EVI5: variants seen among roughly 807,000 people sequenced by gnomAD.
EVI5 encodes ecotropic viral integration site 5 protein homolog.
EVI5 carries 73 observed loss-of-function variants against 112.0 expected under a neutral mutation model. That is an observed-to-expected ratio of 0.65 (90% CI 0.54 to 0.79). The LOEUF (loss-of-function observed/expected upper bound fraction) is 0.79. Among genes scored for constraint, EVI5 ranks in the 30% least tolerant of loss-of-function variants. The pLI is 0.00. For missense variants in EVI5, 900 were observed against 968.8 expected (o/e 0.93, Z 0.94); for synonymous variants, 305 against 319.9 (o/e 0.95, Z 0.50).
chr1:92,621,965 A>T (rs192491455), intron 16 of EVI5, among the ~76,000 whole-genome samples: 2 of 152,008 alleles, frequency 1.3e-5, no homozygotes, highest in African/African-American at 4.8e-5. Context: ...TACCAAAAAT[A>T]CAAAAATTAG....
Position 92,702,145 on chromosome 1 carries a change from A to AT in EVI5, c.634dup (p.Met212AsnfsTer14), listed in dbSNP as rs1671254869. ...TTAATACTTATATTAACTTACCTGC[A>AT]TAAGCAACAATCCAACTATAAAAGC... On this transcript the variant is annotated frameshift_variant, in exon 5 of 20. Transcript: ENST00000684568. LOFTEE classifies it high-confidence loss of function. 3 of 1,467,734 alleles carry AT rather than the reference A, an allele frequency of 2.0e-6. No homozygotes were observed. Among genetic ancestry groups the AT allele is most frequent in the African/African-American group, 1.5e-5 (1 of 67,624 alleles). 90.9% of individuals were successfully genotyped at this position (1,467,734 alleles called of 1,614,324 possible).
At chr1:92,758,571 C>A (rs867265646) in intron 1 of EVI5, among the ~76,000 whole-genome samples, 5,808 of 128,122 alleles carry the variant, frequency 0.045, no homozygotes, top group Non-Finnish European at 0.05. Context: ...CCCTGTCTCA[C>A]AAAAAAAAAA....
At chr1:92,713,206 G>A (rs1233344817) in intron 2 of EVI5, among the ~76,000 whole-genome samples, 1 of 151,482 alleles carries the variant, frequency 6.6e-6, no homozygotes, top group East Asian at 1.9e-4. Flanking sequence ...TTAAAATCTA[G>A]TACATATTTT....
intron 10 of EVI5, among the ~76,000 whole-genome samples, chr1:92,671,235 C>A (rs941213185): frequency 6.6e-6 from 1 of 152,110 alleles, no homozygotes; most frequent in Admixed American, 6.5e-5. Context: ...ATGCAATGGT[C>A]ATTTCTCCAT....
Position 92,606,318 on chromosome 1 carries a change from T to C in EVI5, c.1975-916A>G, listed in dbSNP as rs185821573. Reference sequence around the variant, plus strand: ...AGGTACTAAGGCATTTGAGGAGCAATATTTAATCTAGTAACACCATTATCA... The same window carrying C: ...AGGTACTAAGGCATTTGAGGAGCAACATTTAATCTAGTAACACCATTATCA... On this transcript the variant is annotated intron_variant, in intron 17 of 19. Coordinates refer to ENST00000684568, the MANE Select transcript of EVI5 (RefSeq NM_001350197.2). Among the ~76,000 whole-genome samples, 11 of 152,316 alleles carry C rather than the reference T, an allele frequency of 7.2e-5. No individual in the cohort carries two copies. In the East Asian group the frequency reaches 1.7e-3, roughly 24 times the overall value.
chr1:92,643,486 G>A (rs1022324856), intron 13 of EVI5, among the ~76,000 whole-genome samples: 7 of 151,596 alleles, frequency 4.6e-5, no homozygotes, highest in East Asian at 1.9e-4. Flanking sequence ...CTGCTGTGTC[G>A]CTGGTCTTGA....
chr1:92,721,579 C>T (rs1466682088), intron 2 of EVI5, among the ~76,000 whole-genome samples: 4 of 152,028 alleles, frequency 2.6e-5, no homozygotes, highest in Admixed American at 1.3e-4. Context: ...CTAATGTAAA[C>T]GATGAGTTAA....
At chr1:92,776,151 C>G (rs1034750833) in intron 1 of EVI5, among the ~76,000 whole-genome samples, 1 of 151,506 alleles carries the variant, frequency 6.6e-6, no homozygotes, top group African/African-American at 2.4e-5. Context: ...ATATGTAGAG[C>G]TCGCAGGTTT....
intron 2 of EVI5, among the ~76,000 whole-genome samples, chr1:92,735,728 A>G (rs994361239): frequency 4.2e-5 from 6 of 142,960 alleles, no homozygotes; most frequent in African/African-American, 1.5e-4. Flanking sequence ...TATATATAAT[A>G]TAATATAATA....
At chr1:92,678,832 T>G (rs1558053618) in intron 9 of EVI5, among the ~76,000 whole-genome samples, 1 of 152,224 alleles carries the variant, frequency 6.6e-6, no homozygotes, top group South Asian at 2.1e-4. Flanking sequence ...ATCTATTACT[T>G]ATCTCATTTA....
chr1:92,772,012 G>A (rs1477578648), intron 1 of EVI5, among the ~76,000 whole-genome samples: 1 of 151,622 alleles, frequency 6.6e-6, no homozygotes, highest in East Asian at 2.0e-4. Flanking sequence ...ACACCACCAC[G>A]CCCAGCTAAT....
chr1:92,765,057 T>C (rs1682404451), intron 1 of EVI5, among the ~76,000 whole-genome samples: 2 of 152,150 alleles, frequency 1.3e-5, no homozygotes, highest in South Asian at 4.1e-4. Flanking sequence ...GCGGACAATA[T>C]AATCCTCCAT....
intron 13 of EVI5, among the ~76,000 whole-genome samples, chr1:92,655,189 A>G (rs1447277374): frequency 1.1e-4 from 17 of 151,872 alleles, no homozygotes; most frequent in Admixed American, 9.8e-4. Flanking sequence ...GACTAATGAC[A>G]ACATGAAGGA....
At chr1:92,747,616 A>C (rs1250131439) in intron 1 of EVI5, among the ~76,000 whole-genome samples, 1 of 151,218 alleles carries the variant, frequency 6.6e-6, no homozygotes, top group East Asian at 2.0e-4. Flanking sequence ...TGAGAGGCTG[A>C]GACAGGAGAA....
At chr1:92,617,137 C>T (rs56044027) in intron 16 of EVI5, among the ~76,000 whole-genome samples, 29,935 of 152,178 alleles carry the variant, frequency 0.2, 3,502 homozygotes, top group Middle Eastern at 0.26. Flanking sequence ...TGAAAGTGGA[C>T]AGCCACAGCA....
intron 16 of EVI5, among the ~76,000 whole-genome samples, chr1:92,614,837 ATT>A (rs1213899147): frequency 1.8e-4 from 3 of 17,092 alleles, no homozygotes; most frequent in African/African-American, 6.2e-4. Flanking sequence ...TTTATGTTAT[ATT>A]TTATATATAT....
chr1:92,710,509 T>C (rs1485418466), intron 2 of EVI5, among the ~76,000 whole-genome samples: 1 of 152,238 alleles, frequency 6.6e-6, no homozygotes, highest in Non-Finnish European at 1.5e-5. Flanking sequence ...GGTGTCCCTA[T>C]AGGTTTGTGT....
chr1:92,633,863 T>C (rs1658056317), intron 14 of EVI5, among the ~76,000 whole-genome samples: 1 of 152,220 alleles, frequency 6.6e-6, no homozygotes, highest in Non-Finnish European at 1.5e-5. Flanking sequence ...GGAGCTCTTT[T>C]AGGGCAGGCC....
intron 13 of EVI5, among the ~76,000 whole-genome samples, chr1:92,651,453 G>A (rs1662073434): frequency 6.6e-6 from 1 of 152,242 alleles, no homozygotes; most frequent in Non-Finnish European, 1.5e-5. Context: ...GAATTTTAAA[G>A]TTAAAAAAAG....
Sources: gnomAD v4.1 joint callset for allele counts (sites outside exome capture counted in the v4.1 genomes callset) on GRCh38, gnomAD v4.1.1 for gene constraint, MANE v1.5 for transcripts, NCBI Gene and HGNC (gene_info 2026-07-23, HGNC 2026-07-21) for gene names.